The following SNRPN variants were observed in gnomAD, a reference collection of about 807,000 sequenced individuals.
SNRPN encodes the protein small nuclear ribonucleoprotein polypeptide N, also known as small nuclear ribonucleoprotein-associated protein N.
A neutral mutation model predicts 25.2 loss-of-function variants in SNRPN; 7 were observed. The ratio of observed to expected loss-of-function variants is 0.28; its 90% CI spans 0.16 to 0.52. The LOEUF is 0.52. Among genes scored for constraint, SNRPN ranks in the 20% least tolerant of loss-of-function variants. The pLI is 0.96. For missense variants in SNRPN, 196 were observed against 322.5 expected (o/e 0.61, Z 3.00); for synonymous variants, 124 against 110.6 (o/e 1.12, Z -0.76).
At chr15:24,914,736 A>C (rs2059416244) in intron 2 of SNRPN, among the ~76,000 whole-genome samples, 1 of 152,118 alleles carries the variant, frequency 6.6e-6, no homozygotes, top group Admixed American at 6.6e-5. Context: ...GGGGACCAAA[A>C]ATGAATAACT....
At chr15:24,963,158 C>T (rs1052414127) in intron 2 of SNRPN, among the ~76,000 whole-genome samples, 1 of 152,120 alleles carries the variant, frequency 6.6e-6, no homozygotes, top group African/African-American at 2.4e-5. Flanking sequence ...TGTATTTTGA[C>T]AATATGTCTT....
At chr15:24,898,378 A>G (rs961039958) in intron 2 of SNRPN, among the ~76,000 whole-genome samples, 7 of 152,124 alleles carry the variant, frequency 4.6e-5, no homozygotes, top group Non-Finnish European at 8.8e-5. Flanking sequence ...TCACGAGGTG[A>G]AGAGATCGAG....
At chr15:24,914,395 T>G (rs563395035) in intron 2 of SNRPN, among the ~76,000 whole-genome samples, 26 of 152,212 alleles carry the variant, frequency 1.7e-4, no homozygotes, top group Middle Eastern at 6.8e-3. Flanking sequence ...AACTATACTC[T>G]GAATTCTTAA....
chr15:24,909,555 C>A, intron 2 of SNRPN: 1 of 1,425,406 alleles, frequency 7.0e-7, no homozygotes, highest in Non-Finnish European at 9.8e-7. Context: ...GTCGGGCCAA[C>A]CTTCACACCA....
At chr15:24,901,774 G>C (rs1372677325) in intron 2 of SNRPN, among the ~76,000 whole-genome samples, 1 of 152,134 alleles carries the variant, frequency 6.6e-6, no homozygotes, top group African/African-American at 2.4e-5. Context: ...AAATTTTCAA[G>C]GGCAAATTCA....
chr15:24,857,446 T>G (rs1595493164), intron 1 of SNRPN, among the ~76,000 whole-genome samples: 1 of 152,202 alleles, frequency 6.6e-6, no homozygotes, highest in South Asian at 2.1e-4. Context: ...ATCAAAAATA[T>G]CATTCAGAAA....
chr15:24,935,838 G>C (rs116374211), intron 3 of SNRPN, among the ~76,000 whole-genome samples: 4 of 152,114 alleles, frequency 2.6e-5, no homozygotes, highest in Non-Finnish European at 5.9e-5. Flanking sequence ...AAAATCATGG[G>C]CTGGGTGCGG....
chr15:24,953,336 T>G (rs140444076), upstream of SNRPN, among the ~76,000 whole-genome samples: 2,522 of 152,298 alleles, frequency 0.017, 41 homozygotes, highest in South Asian at 0.058. Context: ...ATTTTATTTA[T>G]TTTTTTGAGA....
intron 1 of SNRPN, among the ~76,000 whole-genome samples, chr15:24,879,886 G>A (rs2056410267): frequency 6.6e-6 from 1 of 152,212 alleles, no homozygotes; most frequent in East Asian, 1.9e-4. Context: ...TGGTGTTGGG[G>A]CAATTCAGTC....
At chr15:24,943,452 A>T (rs745849802) in intron 3 of SNRPN, among the ~76,000 whole-genome samples, 2 of 152,124 alleles carry the variant, frequency 1.3e-5, no homozygotes. Context: ...AAAGCAGTGT[A>T]GCAGGAGTGG....
intron 2 of SNRPN, among the ~76,000 whole-genome samples, chr15:24,887,146 C>CT (rs759363529): frequency 0.021 from 2,646 of 128,740 alleles, 82 homozygotes; most frequent in African/African-American, 0.054. Context: ...ACACTGAGGT[C>CT]TTTTTTTTTT....
chr15:24,953,394 G>A (rs938538464), upstream of SNRPN, among the ~76,000 whole-genome samples: 1 of 152,176 alleles, frequency 6.6e-6, no homozygotes, highest in South Asian at 2.1e-4. Context: ...TGTGATCTCA[G>A]CTCACTGCAA....
chr15:24,961,889 T>A (rs557279484), intron 1 of SNRPN, among the ~76,000 whole-genome samples: 35 of 152,278 alleles, frequency 2.3e-4, no homozygotes, highest in Middle Eastern at 3.4e-3. Context: ...TGATTTTTTT[T>A]AAAACCAGAT....
chr15:24,870,406 T>G (rs1379523743), intron 1 of SNRPN, among the ~76,000 whole-genome samples: 2 of 152,180 alleles, frequency 1.3e-5, no homozygotes, highest in African/African-American at 2.4e-5. Context: ...ATATATAACC[T>G]GATTAACTTA....
intron 3 of SNRPN, among the ~76,000 whole-genome samples, chr15:24,973,799 A>T (rs994259286): frequency 2.6e-5 from 4 of 152,138 alleles, no homozygotes; most frequent in African/African-American, 9.7e-5. Flanking sequence ...TTCTCTTTTG[A>T]CATGGGAAGT....
At chr15:24,894,723 G>T (rs2057961998) in intron 2 of SNRPN, among the ~76,000 whole-genome samples, 1 of 152,176 alleles carries the variant, frequency 6.6e-6, no homozygotes. Flanking sequence ...TCTTGACCAG[G>T]AACTACTGAC....
At chr15:24,878,323 T>C (rs866228669) in intron 1 of SNRPN, among the ~76,000 whole-genome samples, 16 of 152,222 alleles carry the variant, frequency 1.1e-4, no homozygotes, top group African/African-American at 3.1e-4. Context: ...CCGCAAGAAA[T>C]GTGCCACCGT....
At chr15:24,887,936 T>C (rs1490205464) in intron 2 of SNRPN, among the ~76,000 whole-genome samples, 1 of 152,056 alleles carries the variant, frequency 6.6e-6, no homozygotes, top group Non-Finnish European at 1.5e-5. Flanking sequence ...TATTAAGTCA[T>C]AGGACAGTAG....
intron 1 of SNRPN, among the ~76,000 whole-genome samples, chr15:24,864,339 C>CTTTTTTTTTTTTTTTTTTTTTTTTT (rs58622804): frequency 8.5e-6 from 1 of 117,276 alleles, no homozygotes; most frequent in Non-Finnish European, 1.7e-5. Context: ...CTCTTCTTTT[C>CTTTTTTTTTTTTTTTTTTTTTTTTT]TTTTTTTTTT....
Sources: allele counts gnomAD v4.1 joint callset (sites outside exome capture counted in the v4.1 genomes callset), GRCh38; gene constraint gnomAD v4.1.1; transcripts MANE v1.5; gene names NCBI Gene and HGNC (gene_info 2026-07-23, HGNC 2026-07-21).